GAPVD1: variants seen among roughly 807,000 people sequenced by gnomAD.
GAPVD1 encodes GTPase activating protein and VPS9 domains 1, also known as GTPase-activating protein and VPS9 domain-containing protein 1.
GAPVD1 carries 35 observed loss-of-function variants against 155.5 expected under a neutral mutation model. That is an observed-to-expected ratio of 0.23 (90% CI 0.17 to 0.30). GAPVD1 has a LOEUF of 0.30. GAPVD1 is among the 10% of genes least tolerant of loss of function. The probability of loss-of-function intolerance (pLI) is 1.00; values close to 1 mark genes in which losing one functional copy is unlikely to be tolerated. For synonymous variants in GAPVD1, 636 were observed against 619.7 expected, an observed-to-expected ratio of 1.03 and a Z score of -0.39; for missense variants, 1,429 against 1,775.7, an observed-to-expected ratio of 0.80 and a Z score of 3.51.
Position 125,302,732 on chromosome 9 carries a change from C to T in GAPVD1, c.935C>T (p.Ala312Val). ...GCAATGTGTACTGATCTCCTGTTGG[C>T]CTGCTTCATTTGTCCTGCAGTTGTC... The part of the protein sequence containing the change: ...VRAMCTDLLL[A>V]CFICPAVVNP... Residue 312 changes from alanine (A) to valine (V), a missense_variant, in exon 5 of 28, where the codon GCC becomes GTC. Ala to Val is a moderately conservative substitution (Grantham distance 64). Transcript: ENST00000297933. The T allele has an allele frequency of 1.2e-6, 2 of 1,614,056 alleles. No homozygotes were observed. Among genetic ancestry groups the T allele is most frequent in the African/African-American group, 2.7e-5 (2 of 75,010 alleles).
chr9:125,365,133 A>G lies in GAPVD1; in HGVS notation c.*2387A>G, dbSNP rs10819047. Reference sequence around the variant, plus strand: ...TGAGGGTAGACCCCCCAGAGATTTGACATCTGTGACACCTGTGAAATGGGT... The same window carrying G: ...TGAGGGTAGACCCCCCAGAGATTTGGCATCTGTGACACCTGTGAAATGGGT... On this transcript the variant is annotated 3_prime_UTR_variant, in exon 28 of 28. Transcript: ENST00000297933. The G allele has an allele frequency of 0.51, 77,435 of 151,848 alleles. 19,857 individuals are homozygous for G. Among genetic ancestry groups the G allele is most frequent in the Middle Eastern group, 0.58 (171 of 294 alleles). 9.4% of individuals were successfully genotyped at this position (151,848 alleles called of 1,614,324 possible). A position where few individuals can be genotyped will look rare whatever the true frequency, so the allele number is the denominator to read the frequency against.
rs913172514 is a variant in GAPVD1 at position 125,316,610 on chromosome 9, G to A, written c.1602+3998G>A. Among the ~76,000 whole-genome samples, 5 of 152,166 alleles carry A rather than the reference G, an allele frequency of 3.3e-5. No homozygotes were observed. In the East Asian group the frequency reaches 5.8e-4, roughly 18 times the overall value. ...CTGCATAGTATTCCATGGTGTATAT[G>A]TGCCACGTTTTCATTATCCAGTCTA... is the stretch of plus-strand genomic sequence containing the variant. On this transcript the variant is annotated intron_variant, in intron 9 of 27. Transcript: ENST00000297933.
chr9:125,277,146 C>T (rs1414112341), intron 2 of GAPVD1, among the ~76,000 whole-genome samples: 1 of 152,144 alleles, frequency 6.6e-6, no homozygotes, highest in Non-Finnish European at 1.5e-5. Flanking sequence ...TGGAGCATTG[C>T]TCTTTATCAG....
At chr9:125,275,683 G>A (rs909083067) in intron 2 of GAPVD1, among the ~76,000 whole-genome samples, 5 of 152,140 alleles carry the variant, frequency 3.3e-5, no homozygotes, top group African/African-American at 1.2e-4. Context: ...TGAACCCGAG[G>A]AGGTTGAGGT....
intron 20 of GAPVD1, 44 bp from the exon 21 acceptor site, chr9:125,349,346 A>G (rs1386095762): frequency 6.3e-7 from 1 of 1,579,712 alleles, no homozygotes; most frequent in Admixed American, 1.7e-5. Context: ...ATAATATTCC[A>G]AATGAACCTG....
chr9:125,293,667 TA>T (rs1564309019), intron 2 of GAPVD1, among the ~76,000 whole-genome samples: 101 of 126,794 alleles, frequency 8.0e-4, no homozygotes, highest in African/African-American at 3.1e-3. Flanking sequence ...ATTATATATA[TA>T]ATATAAAAAT....
At position 125,350,503 on chromosome 9, in the gene GAPVD1, A is replaced by G. The variant is rs1849140220; in HGVS notation, c.3409+99A>G. On this transcript the variant is annotated intron_variant, in intron 22 of 27. Transcript: ENST00000297933. The stretch of plus-strand genomic sequence containing the variant: ...TGTTGAAGCTGTACAGCAATTCCAT[A>G]TGGTTCAACTTAATATGTTTACATT... The G allele has an allele frequency of 7.3e-6, 6 of 817,694 alleles. No homozygotes were observed. In the East Asian group the frequency reaches 1.2e-4, roughly 16 times the overall value. The allele number at this position is 817,694 out of a possible 1,614,324, so 50.7% of individuals were successfully genotyped here.
chr9:125,270,058 T>A (rs1834639852), intron 2 of GAPVD1, among the ~76,000 whole-genome samples: 1 of 152,104 alleles, frequency 6.6e-6, no homozygotes, highest in South Asian at 2.1e-4. Context: ...ATAATTTTTT[T>A]TACTGTATAC....
chr9:125,318,877 T>C (rs1479211577), intron 9 of GAPVD1, among the ~76,000 whole-genome samples: 3 of 151,986 alleles, frequency 2.0e-5, no homozygotes, highest in Non-Finnish European at 4.4e-5. Context: ...GGCGAGACCC[T>C]GTCTTAATAA....
chr9:125,325,597 G>A (rs974001053), intron 11 of GAPVD1, among the ~76,000 whole-genome samples: 8 of 151,408 alleles, frequency 5.3e-5, no homozygotes, highest in Non-Finnish European at 7.4e-5. Context: ...GAATTACCTG[G>A]TTAGCTTTTT....
intron 27 of GAPVD1, among the ~76,000 whole-genome samples, chr9:125,361,366 C>T (rs1372366502): frequency 1.3e-5 from 2 of 152,016 alleles, no homozygotes; most frequent in African/African-American, 2.4e-5. Context: ...GGTGAAACCT[C>T]ATCTCTACTA....
chr9:125,328,175 T>C (rs1459575834), intron 12 of GAPVD1, among the ~76,000 whole-genome samples: 2 of 151,258 alleles, frequency 1.3e-5, no homozygotes, highest in Non-Finnish European at 2.9e-5. Context: ...TTTTAAGTAG[T>C]GCAAATAGAT....
intron 20 of GAPVD1, 94 bp from the exon 21 acceptor site, chr9:125,349,296 G>T: frequency 1.0e-6 from 1 of 1,000,614 alleles, no homozygotes; most frequent in Non-Finnish European, 1.5e-6. Context: ...TTAGTCAATG[G>T]TAATTTATTC....
intron 12 of GAPVD1, among the ~76,000 whole-genome samples, chr9:125,328,050 A>G (rs2131680786): frequency 6.6e-6 from 1 of 152,068 alleles, no homozygotes; most frequent in Middle Eastern, 3.4e-3. Flanking sequence ...ATTTTTTTTC[A>G]TGCCCTGAAG....
intron 4 of GAPVD1, among the ~76,000 whole-genome samples, chr9:125,301,434 A>T (rs977976075): frequency 1.3e-5 from 2 of 151,816 alleles, no homozygotes; most frequent in East Asian, 3.9e-4. Context: ...CTACAAACTG[A>T]TAATTTTCTT....
At chr9:125,274,749 A>C (rs1056614693) in intron 2 of GAPVD1, among the ~76,000 whole-genome samples, 4 of 152,190 alleles carry the variant, frequency 2.6e-5, no homozygotes, top group African/African-American at 9.6e-5. Context: ...GGCGTGAGCC[A>C]CTGTGCCTGG....
In GAPVD1 at chr9:125,363,928, A is replaced by G. The variant is rs1264042934; in HGVS notation, c.*1182A>G. On this transcript the variant is annotated 3_prime_UTR_variant, in exon 28 of 28. Coordinates refer to ENST00000297933, the MANE Select transcript of GAPVD1 (RefSeq NM_001282680.3). ...GTTTGGTTTGCATTGTATATCAATAATTAATCAGGAATGGGTTTTGGTGCC... is the reference window on the plus strand; with the variant it reads ...GTTTGGTTTGCATTGTATATCAATAGTTAATCAGGAATGGGTTTTGGTGCC... 1.3e-5 allele frequency: 2 copies of G among 152,756 alleles called. No homozygotes were observed. The highest frequency in any genetic ancestry group is 4.8e-5 in the African/African-American group (2 of 41,572). 9.5% of individuals were successfully genotyped at this position (152,756 alleles called of 1,614,324 possible).
At chr9:125,282,505 G>A (rs1009763050) in intron 2 of GAPVD1, among the ~76,000 whole-genome samples, 1 of 152,082 alleles carries the variant, frequency 6.6e-6, no homozygotes, top group Non-Finnish European at 1.5e-5. Context: ...ATGTTAGCAG[G>A]TAGTCTGTTT....
In GAPVD1 at chr9:125,362,663, T is replaced by C. The variant is rs1354907489; in HGVS notation, c.4300T>C (p.Cys1434Arg). The C allele has an allele frequency of 1.9e-6, 3 of 1,613,258 alleles. No homozygotes were observed. Among genetic ancestry groups the C allele is most frequent in the African/African-American group, 1.3e-5 (1 of 74,920 alleles). The change falls in exon 28 of 28, where the codon TGT becomes CGT. Residue 1434 changes from cysteine (C) to arginine (R), a missense_variant. Physicochemically the swap from Cys to Arg is radical, Grantham distance 180. Around this residue, in one of 4 missense-constraint regions of GAPVD1, gnomAD observed 102 missense variants for 196.5 expected, o/e 0.52. Coordinates refer to ENST00000297933, the MANE Select transcript of GAPVD1 (RefSeq NM_001282680.3). ...GTATATCAGTAGCTTTTATGCTAGC[T>C]GTCTGTCTGGAGAGGAGTCCTATTG... ...VQYISSFYAS[C>R]LSGEESYWWM...
Sources: allele counts gnomAD v4.1 joint callset (sites outside exome capture counted in the v4.1 genomes callset), GRCh38; gene constraint gnomAD v4.1.1; regional missense constraint gnomAD v4.1.1; transcripts MANE v1.5; gene names NCBI Gene and HGNC (gene_info 2026-07-23, HGNC 2026-07-21).